The following ZRANB3 variants were observed in gnomAD, a reference collection of about 807,000 sequenced individuals.
The protein encoded by ZRANB3 is DNA annealing helicase and endonuclease ZRANB3.
ZRANB3 carries 125 observed loss-of-function variants against 133.8 expected under a neutral mutation model. The ratio of observed to expected loss-of-function variants is 0.93; its 90% CI spans 0.81 to 1.08. The LOEUF (loss-of-function observed/expected upper bound fraction) is 1.08. Among genes scored for constraint, ZRANB3 ranks in the 50% least tolerant of loss-of-function variants. ZRANB3 has a pLI of 0.00. For missense variants in ZRANB3, 1,229 were observed against 1,275.5 expected, an observed-to-expected ratio of 0.96 and a Z score of 0.56; for synonymous variants, 387 against 432.7, an observed-to-expected ratio of 0.89 and a Z score of 1.31.
rs556240854 is a variant in ZRANB3, at chr2:135,476,927, C to T, written c.161+27402G>A. On this transcript the variant is annotated intron_variant, in intron 2 of 20. Coordinates refer to ENST00000264159, the MANE Select transcript of ZRANB3 (RefSeq NM_032143.4). ...ATAGACACAGGACCTCACTATGTTGCCCAGACTGGTCTCAAATTCCTGGGC... is the reference window on the plus strand; with the variant it reads ...ATAGACACAGGACCTCACTATGTTGTCCAGACTGGTCTCAAATTCCTGGGC... Among the ~76,000 whole-genome samples, 7 of 152,146 alleles carry T rather than the reference C, an allele frequency of 4.6e-5. No individual in the cohort carries two copies. The South Asian group carries it at 1.5e-3, about 32-fold the overall frequency.
intron 12 of ZRANB3, among the ~76,000 whole-genome samples, chr2:135,255,050 C>T (rs1488165534): frequency 3.3e-5 from 5 of 151,862 alleles, no homozygotes; most frequent in East Asian, 1.9e-4. Context: ...CGCATCCGGC[C>T]GTAGAACATT....
chr2:135,278,123 C>T (rs1210507529), intron 8 of ZRANB3, among the ~76,000 whole-genome samples: 1 of 151,738 alleles, frequency 6.6e-6, no homozygotes, highest in African/African-American at 2.4e-5. Flanking sequence ...TGGAAAAGAC[C>T]CACTACGTGT....
rs578257696 is a variant in ZRANB3 at position 135,415,594 on chromosome 2, C to T, written c.162-24774G>A. On this transcript the variant is annotated intron_variant, in intron 2 of 20. Coordinates refer to ENST00000264159, the MANE Select transcript of ZRANB3 (RefSeq NM_032143.4). Reference sequence around the variant, plus strand: ...TCAATAAAAAAAGAGGGAATCCTCCCTAACTCATTTTATGAGGTCAGCATC... The same window carrying T: ...TCAATAAAAAAAGAGGGAATCCTCCTTAACTCATTTTATGAGGTCAGCATC... Among the ~76,000 whole-genome samples the T allele has an allele frequency of 2.0e-5, 3 of 152,300 alleles. No individual in the cohort carries two copies. In the South Asian group the frequency reaches 6.2e-4, roughly 32 times the overall value.
intron 8 of ZRANB3, among the ~76,000 whole-genome samples, chr2:135,284,767 G>A (rs913866326): frequency 6.6e-5 from 10 of 151,978 alleles, no homozygotes; most frequent in Non-Finnish European, 1.2e-4. Context: ...CGCCGCACCC[G>A]GCCACCTTTC....
chr2:135,348,957 T>C (rs1558935056), intron 5 of ZRANB3, among the ~76,000 whole-genome samples: 1 of 152,154 alleles, frequency 6.6e-6, no homozygotes, highest in African/African-American at 2.4e-5. Context: ...TTTTTAAGTA[T>C]ATCATCACCC....
intron 6 of ZRANB3, among the ~76,000 whole-genome samples, chr2:135,330,499 T>A (rs1452746397): frequency 1.3e-5 from 2 of 152,206 alleles, no homozygotes; most frequent in Non-Finnish European, 2.9e-5. Context: ...ATCAGGGATA[T>A]TCATCTAAAA....
In ZRANB3 at chr2:135,217,509, CA is replaced by C. The variant is rs770246425; in HGVS notation, c.2450del (p.Leu817TrpfsTer18). 4.3e-6 allele frequency: 7 copies of C among 1,613,272 alleles called. No homozygotes were observed. Among genetic ancestry groups the C allele is most frequent in the Non-Finnish European group, 5.9e-6 (7 of 1,179,646 alleles). On this transcript the variant is annotated frameshift_variant, in exon 17 of 21. Transcript: ENST00000264159. LOFTEE classifies it high-confidence loss of function. Reference sequence around the variant, plus strand: ...TGGTTTGTTGCTTTGTGATCTCTTCCAAAGCAAGAATTGGGCTACAGAATAG... The same window carrying C: ...TGGTTTGTTGCTTTGTGATCTCTTCCAAGCAAGAATTGGGCTACAGAATAG... Reference protein sequence around the residue: ...GQLFCSPILALEEITKQQTKQ... With the variant: ...GQLFCSPILAXEEITKQQTKQ...
At chr2:135,245,453 T>A (rs1695747633) in intron 12 of ZRANB3, among the ~76,000 whole-genome samples, 1 of 151,990 alleles carries the variant, frequency 6.6e-6, no homozygotes, top group African/African-American at 2.4e-5. Context: ...TGAAAATGAT[T>A]TTTTGTTTTG....
intron 6 of ZRANB3, among the ~76,000 whole-genome samples, chr2:135,316,979 A>T (rs1270838710): frequency 9.9e-4 from 141 of 143,124 alleles, no homozygotes; most frequent in African/African-American, 2.9e-3. Flanking sequence ...AAAAAAAAAA[A>T]AAAAATATAT....
At chr2:135,394,024 A>AT (rs534051506) in intron 2 of ZRANB3, among the ~76,000 whole-genome samples, 6,014 of 146,052 alleles carry the variant, frequency 0.041, 411 homozygotes, top group African/African-American at 0.14. Flanking sequence ...TGCCCAGCTA[A>AT]TTTTTTTTTT....
chr2:135,221,618 C>T (rs1694557250), intron 15 of ZRANB3, among the ~76,000 whole-genome samples: 1 of 152,232 alleles, frequency 6.6e-6, no homozygotes, highest in African/African-American at 2.4e-5. Context: ...CCTTTGGTTT[C>T]TCTACCCTCT....
intron 2 of ZRANB3, among the ~76,000 whole-genome samples, chr2:135,503,353 G>A (rs1693032514): frequency 6.6e-6 from 1 of 152,178 alleles, no homozygotes; most frequent in Admixed American, 6.5e-5. Context: ...GACCAAGCAT[G>A]GCAAAATGTT....
intron 2 of ZRANB3, among the ~76,000 whole-genome samples, chr2:135,414,934 C>G (rs1222017361): frequency 6.6e-6 from 1 of 151,982 alleles, no homozygotes; most frequent in Non-Finnish European, 1.5e-5. Flanking sequence ...ATACCAGAAT[C>G]TCTGGGACAC....
intron 2 of ZRANB3, among the ~76,000 whole-genome samples, chr2:135,481,091 T>C (rs556647451): frequency 1.3e-5 from 2 of 152,052 alleles, no homozygotes; most frequent in African/African-American, 4.8e-5. Flanking sequence ...GCATGTGTCT[T>C]TATAGCAGCA....
intron 12 of ZRANB3, among the ~76,000 whole-genome samples, chr2:135,237,804 G>C (rs1695365870): frequency 6.6e-6 from 1 of 152,064 alleles, no homozygotes; most frequent in East Asian, 1.9e-4. Flanking sequence ...GGTGGGGGAA[G>C]GGGGGAGGGA....
At chr2:135,351,353 T>C (rs1245292363) in intron 4 of ZRANB3, among the ~76,000 whole-genome samples, 2 of 150,732 alleles carry the variant, frequency 1.3e-5, no homozygotes, top group East Asian at 2.0e-4. Flanking sequence ...CTGCAAGCTC[T>C]GCCTCCCAGG....
At chr2:135,450,290 A>T (rs542746095) in intron 2 of ZRANB3, among the ~76,000 whole-genome samples, 151 of 148,210 alleles carry the variant, frequency 1.0e-3, no homozygotes, top group South Asian at 8.0e-3. Flanking sequence ...AAAATAAAAT[A>T]AAATTAAAAA....
intron 8 of ZRANB3, among the ~76,000 whole-genome samples, chr2:135,283,887 T>C (rs1681217885): frequency 6.6e-6 from 1 of 151,256 alleles, no homozygotes; most frequent in African/African-American, 2.4e-5. Flanking sequence ...GAGGCTGTGG[T>C]GGGAGGACTG....
At chr2:135,403,972 C>A (rs1687872649) in intron 2 of ZRANB3, among the ~76,000 whole-genome samples, 1 of 152,058 alleles carries the variant, frequency 6.6e-6, no homozygotes, top group African/African-American at 2.4e-5. Context: ...CATCAAAGAC[C>A]AAAGGTAGAT....
Sources: allele counts gnomAD v4.1 joint callset (sites outside exome capture counted in the v4.1 genomes callset), GRCh38; gene constraint gnomAD v4.1.1; transcripts MANE v1.5; gene names NCBI Gene and HGNC (gene_info 2026-07-23, HGNC 2026-07-21).